The following FASTKD1 variants were observed in gnomAD, a reference collection of about 807,000 sequenced individuals.
FASTKD1 encodes FAST kinase domain-containing protein 1, mitochondrial.
FASTKD1 carries 94 observed loss-of-function variants against 90.9 expected under a neutral mutation model. The ratio of observed to expected loss-of-function variants is 1.03; its 90% CI spans 0.88 to 1.23. The LOEUF is 1.23. Among genes scored for constraint, FASTKD1 ranks in the 50% most tolerant of loss-of-function variants. The pLI is 0.00. For missense variants in FASTKD1, 945 were observed against 993.5 expected, an observed-to-expected ratio of 0.95 and a Z score of 0.66; for synonymous variants, 319 against 345.8, an observed-to-expected ratio of 0.92 and a Z score of 0.86.
At chr2:169,532,731 A>C (rs1026885691) in intron 12 of FASTKD1, among the ~76,000 whole-genome samples, 16 of 152,136 alleles carry the variant, frequency 1.1e-4, no homozygotes, top group Non-Finnish European at 1.2e-4. Flanking sequence ...AAGTTGAACC[A>C]AAAACTGCAA....
chr2:169,562,502 G>A (rs1283597239), intron 4 of FASTKD1, among the ~76,000 whole-genome samples: 1 of 151,970 alleles, frequency 6.6e-6, no homozygotes, highest in African/African-American at 2.4e-5. Flanking sequence ...CAAAGTGCTG[G>A]GATTACAGGT....
In FASTKD1 at chr2:169,571,922, AC is replaced by A; in HGVS notation, c.107del (p.Cys36LeufsTer4). On this transcript the variant is annotated frameshift_variant, in exon 2 of 15. Transcript: ENST00000453153. LOFTEE classifies it high-confidence loss of function. The stretch of plus-strand genomic sequence containing the variant: ...TATTCATCTGAATAATTAGTGGTTC[AC>A]AACTGATGGGTCGAAATTGAAACAC... ...WRVFQFRPIS[C>X]EPLIIQMNKC... is the part of the protein sequence containing the mutation. 6.2e-7 allele frequency: 1 copy of A among 1,614,120 alleles called. No homozygotes were observed. The highest frequency in any genetic ancestry group is 8.5e-7 in the Non-Finnish European group (1 of 1,180,004).
In FASTKD1 at chr2:169,529,972, C is replaced by CA. The variant is rs754168967; in HGVS notation, c.2443-47dup. On this transcript the variant is annotated intron_variant, in intron 14 of 14. Coordinates refer to ENST00000453153, the MANE Select transcript of FASTKD1 (RefSeq NM_024622.6). ...TTGAATGAAAGTTTTAAAGCAACAA[C>CA]AAAAAACATTGAGGAAGACATATAA... is the stretch of plus-strand genomic sequence containing the variant. 5 of 1,336,986 alleles carry CA rather than the reference C, an allele frequency of 3.7e-6. No individual in the cohort carries two copies. The African/African-American group carries it at 4.4e-5, about 12-fold the overall frequency. 82.8% of individuals were successfully genotyped at this position (1,336,986 alleles called of 1,614,324 possible). A position where few individuals can be genotyped will look rare whatever the true frequency, so the allele number is the denominator to read the frequency against.
intron 3 of FASTKD1, among the ~76,000 whole-genome samples, chr2:169,565,289 G>A (rs1391392725): frequency 2.4e-5 from 2 of 84,828 alleles, no homozygotes; most frequent in African/African-American, 9.6e-5. Context: ...TTGAGAGGGA[G>A]TCTCGCTCTG....
At chr2:169,563,466 C>A in intron 3 of FASTKD1, 116 bp from the exon 4 acceptor site, 1 of 698,094 alleles carries the variant, frequency 1.4e-6, no homozygotes, top group Non-Finnish European at 2.0e-6. Context: ...AATTTTTTTT[C>A]TAAAATGTTA....
At chr2:169,553,071 G>GT (rs1685565103) in intron 7 of FASTKD1, among the ~76,000 whole-genome samples, 1 of 151,818 alleles carries the variant, frequency 6.6e-6, no homozygotes, top group African/African-American at 2.4e-5. Flanking sequence ...GCCAGGCATG[G>GT]TGCCTCATGC....
chr2:169,546,219 T>G lies in FASTKD1; in HGVS notation c.1700A>C (p.Lys567Thr). The change falls in exon 8 of 15, where the codon AAG (lysine) becomes ACG (threonine). Residue 567 changes from lysine to threonine, a missense_variant and splice_region_variant. Lys to Thr is a moderately conservative substitution (Grantham distance 78). Coordinates refer to ENST00000453153, the MANE Select transcript of FASTKD1 (RefSeq NM_024622.6). Reference sequence around the variant, plus strand: ...TAATGTCTACCATTTAAATTTCACCTTTTCAATCTGCTGAACAGCCACTGA... The same window carrying G: ...TAATGTCTACCATTTAAATTTCACCGTTTCAATCTGCTGAACAGCCACTGA... Reference protein sequence around the residue: ...IASVAVQQIEKIHPFTIPAII... With the variant: ...IASVAVQQIETIHPFTIPAII... 6.5e-7 allele frequency: 1 copy of G among 1,539,776 alleles called. No homozygotes were observed. The highest frequency in any genetic ancestry group is 8.7e-7 in the Non-Finnish European group (1 of 1,145,096).
At chr2:169,552,278 C>G (rs949670238) in intron 7 of FASTKD1, among the ~76,000 whole-genome samples, 12 of 152,162 alleles carry the variant, frequency 7.9e-5, no homozygotes, top group African/African-American at 2.9e-4. Context: ...ATACGTGCTT[C>G]AAGTCTTTTC....
chr2:169,545,907 A>G (rs757792869), intron 8 of FASTKD1, among the ~76,000 whole-genome samples: 1 of 152,214 alleles, frequency 6.6e-6, no homozygotes. Flanking sequence ...GAGAGGAACA[A>G]CAAATCGCTG....
rs370580448 is a variant in FASTKD1 at position 169,563,371 on chromosome 2, A to C, written c.447-21T>G. 95 of 1,536,148 alleles carry C rather than the reference A, an allele frequency of 6.2e-5. 1 individual carries two copies. Among genetic ancestry groups the C allele is most frequent in the Non-Finnish European group, 8.3e-5 (93 of 1,122,920 alleles). ...CAAACCTATTAAAGGAAATATACAAAGGAGAACATTAGTATTTACTTTCAC... is the reference window on the plus strand; with the variant it reads ...CAAACCTATTAAAGGAAATATACAACGGAGAACATTAGTATTTACTTTCAC... On this transcript the variant is annotated intron_variant, in intron 3 of 14. Coordinates refer to ENST00000453153, the MANE Select transcript of FASTKD1 (RefSeq NM_024622.6).
At chr2:169,530,073 C>T (rs960153294) in intron 14 of FASTKD1, 147 bp from the exon 15 acceptor site, 2 of 591,588 alleles carry the variant, frequency 3.4e-6, no homozygotes, top group Non-Finnish European at 5.9e-6. Flanking sequence ...CTACTGGAAG[C>T]CAAGTGGGTC....
Position 169,573,833 on chromosome 2 carries a change from G to C in FASTKD1, c.-307C>G, listed in dbSNP as rs1319912943. 6.6e-6 allele frequency: 1 copy of C among 152,172 alleles called. No homozygotes were observed. The highest frequency in any genetic ancestry group is 1.5e-5 in the Non-Finnish European group (1 of 68,062). 9.4% of individuals were successfully genotyped at this position (152,172 alleles called of 1,614,324 possible). ...TTTATAACCTTTCTTCGAGAGACAT[G>C]ACCTTTCCCATGAGACCTTGCCCCC... On this transcript the variant is annotated 5_prime_UTR_variant, in exon 1 of 15. Transcript: ENST00000453153.
chr2:169,531,817 C>T (rs1327087242), intron 12 of FASTKD1: 4 of 196,382 alleles, frequency 2.0e-5, no homozygotes, highest in Non-Finnish European at 4.1e-5. Context: ...GAAAGCTAAA[C>T]CAACTCATCT....
rs1430977732 is a variant in FASTKD1 at position 169,555,139 on chromosome 2, C to G, written c.1199G>C (p.Arg400Thr). The change falls in exon 7 of 15, where the codon AGA becomes ACA. Residue 400 changes from arginine (R) to threonine (T), a missense_variant. Coordinates refer to ENST00000453153, the MANE Select transcript of FASTKD1 (RefSeq NM_024622.6). ...FQRKEFFAKL[R>T]ELLLSYLKNS... ...TTAATCTTACCTAAGCAGTAATTCT[C>G]TAAGTTTCGCAAAAAACTCCTTCCT... The G allele has an allele frequency of 6.2e-7, 1 of 1,609,178 alleles. No homozygotes were observed. Among genetic ancestry groups the G allele is most frequent in the African/African-American group, 1.3e-5 (1 of 74,590 alleles).
chr2:169,572,552 C>CT (rs3834126), intron 1 of FASTKD1, among the ~76,000 whole-genome samples: 8 of 149,772 alleles, frequency 5.3e-5, no homozygotes, highest in African/African-American at 1.5e-4. Context: ...TATATATATA[C>CT]TTTTTTTTTT....
In FASTKD1 at chr2:169,561,224, G is replaced by C. The variant is rs772281473; in HGVS notation, c.573-439C>G. Among the ~76,000 whole-genome samples the C allele has an allele frequency of 3.6e-4, 55 of 151,570 alleles. 1 individual carries two copies. In the Middle Eastern group the frequency reaches 0.024, roughly 66 times the overall value. ...GAGGCAGGAAAATCGCTTGAACCCAGGAGGCAGAGGTTGCATCATTGCACT... is the reference window on the plus strand; with the variant it reads ...GAGGCAGGAAAATCGCTTGAACCCACGAGGCAGAGGTTGCATCATTGCACT... On this transcript the variant is annotated intron_variant, in intron 4 of 14. Transcript: ENST00000453153.
chr2:169,547,365 C>T (rs1685251875), intron 7 of FASTKD1, among the ~76,000 whole-genome samples: 2 of 152,150 alleles, frequency 1.3e-5, no homozygotes, highest in Non-Finnish European at 2.9e-5. Flanking sequence ...CATTTCCTCA[C>T]ACAGGGTGTA....
intron 10 of FASTKD1, among the ~76,000 whole-genome samples, chr2:169,538,939 A>G (rs1318376603): frequency 1.3e-5 from 2 of 152,160 alleles, no homozygotes; most frequent in Admixed American, 6.5e-5. Flanking sequence ...CAGCATATAA[A>G]AGTGAATATA....
chr2:169,566,003 T>A (rs545413909), intron 3 of FASTKD1, among the ~76,000 whole-genome samples: 1 of 152,222 alleles, frequency 6.6e-6, no homozygotes. Context: ...TCAAATCTTT[T>A]GCCCATTTTT....
Sources: allele counts gnomAD v4.1 joint callset (sites outside exome capture counted in the v4.1 genomes callset), GRCh38; gene constraint gnomAD v4.1.1; transcripts MANE v1.5; gene names NCBI Gene and HGNC (gene_info 2026-07-23, HGNC 2026-07-21).